The following RAI1 variants were observed in gnomAD, a reference collection of about 807,000 sequenced individuals.
RAI1 encodes retinoic acid-induced protein 1.
In RAI1, 9 loss-of-function variants were observed where a neutral mutation model predicts 123.8. The observed-to-expected ratio is 0.07, with a 90% CI of 0.04 to 0.13. The LOEUF is 0.13. Ranked by LOEUF, RAI1 falls within the 10% of genes least tolerant of loss-of-function variation. The pLI, the probability that RAI1 is intolerant of heterozygous loss-of-function variation, is 1.00. For missense variants in RAI1, 2,256 were observed against 2,545.8 expected (o/e 0.89, Z 2.45); for synonymous variants, 1,231 against 1,127.3 (o/e 1.09, Z -1.84).
intron 1 of RAI1, among the ~76,000 whole-genome samples, chr17:17,700,042 A>G (rs1915165264): frequency 6.6e-6 from 1 of 152,206 alleles, no homozygotes; most frequent in Non-Finnish European, 1.5e-5. Flanking sequence ...TAAGTGAGAA[A>G]ATTTATGCTA....
In RAI1 at chr17:17,688,572, G is replaced by A. The variant is rs116303080; in HGVS notation, c.-149+6779G>A. ...TTCCTCAGCTGGGATATCATTGCTG[G>A]GCTGTTAGGCAGTTGTTTTTTGTTT... On this transcript the variant is annotated intron_variant, in intron 1 of 5. Transcript: ENST00000353383. 4.9e-3 allele frequency among the ~76,000 whole-genome samples: 743 copies of A among 152,180 alleles called. 6 individuals are homozygous for A. Among genetic ancestry groups the A allele is most frequent in the African/African-American group, 0.017 (695 of 41,514 alleles).
At position 17,681,624 on chromosome 17, in the gene RAI1, C is replaced by CG; in HGVS notation, c.-318_-317insG. ...GAGGCGAGCCGAGCAGGCCGCCCTG[C>CG]CCGCGGCCCTAGCGCCGGCGCGAGG... On this transcript the variant is annotated 5_prime_UTR_variant, in exon 1 of 6. Coordinates refer to ENST00000353383, the MANE Select transcript of RAI1 (RefSeq NM_030665.4). 1 of 212,994 alleles carries CG rather than the reference C, an allele frequency of 4.7e-6. No homozygotes were observed. Among genetic ancestry groups the CG allele is most frequent in the Non-Finnish European group, 9.2e-6 (1 of 109,044 alleles). The allele number at this position is 212,994 out of a possible 1,614,324, so 13.2% of individuals were successfully genotyped here.
chr17:17,683,219 C>G (rs1236120875), intron 1 of RAI1, among the ~76,000 whole-genome samples: 1 of 152,134 alleles, frequency 6.6e-6, no homozygotes, highest in South Asian at 2.1e-4. Context: ...TTTATTTTAT[C>G]TTTTTTTAGT....
intron 1 of RAI1, among the ~76,000 whole-genome samples, chr17:17,690,713 G>A (rs1430473738): frequency 1.3e-5 from 2 of 152,214 alleles, no homozygotes; most frequent in African/African-American, 4.8e-5. Flanking sequence ...AAAACCACCT[G>A]AAAGATTTCT....
chr17:17,754,957 G>C (rs1307401770), intron 2 of RAI1, among the ~76,000 whole-genome samples: 6 of 152,240 alleles, frequency 3.9e-5, no homozygotes, highest in Admixed American at 2.0e-4. Flanking sequence ...AGGCCCACCT[G>C]TCTGGAGCGG....
At chr17:17,725,156 G>A (rs1916041783) in intron 2 of RAI1, among the ~76,000 whole-genome samples, 1 of 152,044 alleles carries the variant, frequency 6.6e-6, no homozygotes. Flanking sequence ...CGCGGCGAAG[G>A]CGGCAGGCTT....
rs146559460 is a variant in RAI1 at position 17,796,692 on chromosome 17, C to T, written c.3744C>T (p.Ser1248=). 22 of 1,613,172 alleles carry T rather than the reference C, an allele frequency of 1.4e-5. 1 individual carries two copies. The highest frequency in any genetic ancestry group is 8.0e-5 in the African/African-American group (6 of 74,904). ...TCTTGCGGAGCCGCAGCAGCAGCAG[C>T]AGCAACGCCAGTGGCAATGGGGGAG... ...NLVLRSRSSS[S]SNASGNGGDG... is the part of the protein sequence containing the mutation. Residue 1248 remains serine, a synonymous_variant, in exon 3 of 6, where the codon AGC becomes AGT. Transcript: ENST00000353383. This position sits in a 1 kb window ranked among gnomAD's most constrained non-coding sequence, Gnocchi z 5.8.
Position 17,809,889 on chromosome 17 carries a change from G to C in RAI1, c.5710-81G>C. ...GGTCGCCTGGGTCTGGGGCTTAGGC[G>C]GGGGGCCCACACTGGGGGCGGGGCC... On this transcript the variant is annotated intron_variant, in intron 5 of 5. Coordinates refer to ENST00000353383, the MANE Select transcript of RAI1 (RefSeq NM_030665.4). The surrounding 1 kb of genome is among the most constrained non-coding windows in gnomAD (Gnocchi z 4.9). 6.5e-7 allele frequency: 1 copy of C among 1,541,882 alleles called. No homozygotes were observed. Among genetic ancestry groups the C allele is most frequent in the South Asian group, 1.2e-5 (1 of 83,802 alleles).
At chr17:17,733,372 G>C (rs1369824908) in intron 2 of RAI1, among the ~76,000 whole-genome samples, 1 of 152,240 alleles carries the variant, frequency 6.6e-6, no homozygotes, top group Non-Finnish European at 1.5e-5. Flanking sequence ...AAAGGATGCA[G>C]AATGCTTGGG....
In RAI1 at chr17:17,797,726, C is replaced by T; in HGVS notation, c.4778C>T (p.Pro1593Leu). 1 of 1,613,818 alleles carries T rather than the reference C, an allele frequency of 6.2e-7. No homozygotes were observed. The highest frequency in any genetic ancestry group is 8.5e-7 in the Non-Finnish European group (1 of 1,179,848). Residue 1593 changes from proline (P) to leucine (L), a missense_variant, in exon 3 of 6, where the codon CCC becomes CTC. Transcript: ENST00000353383. ...CGGCTGAGGTCAGACAGCCGGACCC[C>T]CGCCTTCTCACCCTTCGTGCGGGTG... ...CKRLRSDSRT[P>L]AFSPFVRVEK...
intron 1 of RAI1, among the ~76,000 whole-genome samples, chr17:17,713,927 C>T (rs988989689): frequency 3.3e-5 from 5 of 152,140 alleles, no homozygotes; most frequent in South Asian, 2.1e-4. Context: ...CTCTGGTCCG[C>T]GTCTCTGACC....
At chr17:17,791,761 G>A (rs2032019811) in intron 2 of RAI1, among the ~76,000 whole-genome samples, 1 of 152,118 alleles carries the variant, frequency 6.6e-6, no homozygotes, top group Non-Finnish European at 1.5e-5. Context: ...CTCTTTGAGG[G>A]GTCTTCTGGT....
rs529086790 is a variant in RAI1, at chr17:17,709,324, G to A, written c.-148-14704G>A. 8.5e-5 allele frequency among the ~76,000 whole-genome samples: 13 copies of A among 152,232 alleles called. No individual in the cohort carries two copies. The South Asian group carries it at 2.5e-3, about 29-fold the overall frequency. ...CTGTCTGCTGTTTGCCGTATCAAGG[G>A]GCGATACTCAGGCGGGCTCCTCTCA... is the stretch of plus-strand genomic sequence containing the variant. On this transcript the variant is annotated intron_variant, in intron 1 of 5. Transcript: ENST00000353383.
intron 4 of RAI1, among the ~76,000 whole-genome samples, chr17:17,808,994 C>G (rs1414891536): frequency 6.6e-6 from 1 of 152,144 alleles, no homozygotes; most frequent in Non-Finnish European, 1.5e-5. Flanking sequence ...TGGGAGCTTG[C>G]CTGCCAGTGG....
chr17:17,749,564 G>A (rs1303406960), intron 2 of RAI1, among the ~76,000 whole-genome samples: 2 of 152,234 alleles, frequency 1.3e-5, no homozygotes, highest in Non-Finnish European at 2.9e-5. Flanking sequence ...GAGGGGATGT[G>A]ATGGAGATGG....
intron 1 of RAI1, among the ~76,000 whole-genome samples, chr17:17,691,389 C>G (rs373602353): frequency 2.6e-5 from 4 of 152,146 alleles, no homozygotes; most frequent in African/African-American, 9.7e-5. Flanking sequence ...AGCCCCTGCC[C>G]GTTTGAAGCA....
chr17:17,682,474 G>GC (rs1348872528), intron 1 of RAI1: 1 of 151,714 alleles, frequency 6.6e-6, no homozygotes, highest in Non-Finnish European at 1.5e-5. Context: ...ACGGGCGGGG[G>GC]CCCCGGACAC....
At chr17:17,803,898 TC>T (rs2143005207) in intron 4 of RAI1, 49 bp downstream of exon 4, 1 of 1,556,722 alleles carries the variant, frequency 6.4e-7, no homozygotes, top group African/African-American at 1.4e-5. Flanking sequence ...ATCCAAGCAG[TC>T]CAGGGGGACC....
intron 1 of RAI1, among the ~76,000 whole-genome samples, chr17:17,697,389 G>A (rs1915074889): frequency 6.6e-6 from 1 of 152,380 alleles, no homozygotes; most frequent in East Asian, 1.9e-4. Context: ...TGCCATCACC[G>A]CTGTGTACTC....
Sources: allele counts gnomAD v4.1 joint callset (sites outside exome capture counted in the v4.1 genomes callset), GRCh38; gene constraint gnomAD v4.1.1; non-coding constraint Gnocchi (gnomAD v3.1); transcripts MANE v1.5; gene names NCBI Gene and HGNC (gene_info 2026-07-23, HGNC 2026-07-21).